DLC1: variants seen among roughly 807,000 people sequenced by gnomAD.
The protein encoded by DLC1 is DLC1 Rho GTPase activating protein.
DLC1 carries 54 observed loss-of-function variants against 140.3 expected under a neutral mutation model. The observed-to-expected ratio is 0.38, with a 90% CI of 0.31 to 0.48. The LOEUF (loss-of-function observed/expected upper bound fraction) is 0.48. DLC1 is among the 20% of genes least tolerant of loss of function. DLC1 has a pLI of 0.96. For synonymous variants in DLC1, 986 were observed against 728.1 expected (o/e 1.35, Z -5.70); for missense variants, 2,536 against 1,907.0 (o/e 1.33, Z -6.14).
intron 1 of DLC1, among the ~76,000 whole-genome samples, chr8:13,565,678 T>C (rs1457426067): frequency 6.6e-6 from 1 of 151,838 alleles, no homozygotes; most frequent in Non-Finnish European, 1.5e-5. Flanking sequence ...TACCCCCCAA[T>C]CCCCAAGAAA....
chr8:13,094,610 G>A (rs1818351810), intron 12 of DLC1, 149 bp downstream of exon 12: 2 of 916,856 alleles, frequency 2.2e-6, no homozygotes, highest in African/African-American at 1.7e-5. Context: ...AGGTTGCAGT[G>A]AGCCGAGGTC....
At chr8:13,435,472 C>A (rs1010446418) in intron 2 of DLC1, among the ~76,000 whole-genome samples, 1 of 152,130 alleles carries the variant, frequency 6.6e-6, no homozygotes, top group African/African-American at 2.4e-5. Context: ...CGCCTCCACA[C>A]CTGACTAATT....
intron 2 of DLC1, among the ~76,000 whole-genome samples, chr8:13,438,275 A>T (rs1839211251): frequency 6.6e-6 from 1 of 152,174 alleles, no homozygotes. Flanking sequence ...GAGCAGTCAG[A>T]GTTGAAATGA....
chr8:13,249,952 A>G (rs564196043), intron 5 of DLC1, among the ~76,000 whole-genome samples: 74 of 152,260 alleles, frequency 4.9e-4, no homozygotes, highest in African/African-American at 1.7e-3. Context: ...TGCCTGCCAG[A>G]ACCCTCCAGG....
Position 13,280,144 on chromosome 8 carries a change from C to T in DLC1, c.1348+25125G>A, listed in dbSNP as rs547040784. On this transcript the variant is annotated intron_variant, in intron 5 of 17. Transcript: ENST00000276297. ...AAATACAAAAAAAAAAAAAATTAGC[C>T]GGGCGTGGTGGCAGGTACCTATAGT... 6.1e-4 allele frequency among the ~76,000 whole-genome samples: 92 copies of T among 150,922 alleles called. 1 individual carries two copies. Among genetic ancestry groups the T allele is most frequent in the Non-Finnish European group, 4.9e-4 (33 of 67,714 alleles).
At chr8:13,192,362 A>G (rs1371280129) in intron 5 of DLC1, among the ~76,000 whole-genome samples, 8 of 152,204 alleles carry the variant, frequency 5.3e-5, no homozygotes, top group Admixed American at 5.2e-4. Context: ...GTAATACAAA[A>G]TTCATGATGA....
At chr8:13,181,452 T>C (rs28380608) in intron 5 of DLC1, among the ~76,000 whole-genome samples, 26,678 of 150,222 alleles carry the variant, frequency 0.18, 3,098 homozygotes, top group East Asian at 0.31. Flanking sequence ...TCGTCATTTA[T>C]ATTAGGTATT....
intron 2 of DLC1, among the ~76,000 whole-genome samples, chr8:13,483,365 C>G (rs1368876840): frequency 1.3e-5 from 2 of 152,126 alleles, no homozygotes; most frequent in African/African-American, 4.8e-5. Context: ...TGAGGGGCCA[C>G]AATTCAATCA....
intron 2 of DLC1, among the ~76,000 whole-genome samples, chr8:13,436,876 C>G (rs926503370): frequency 6.6e-6 from 1 of 152,068 alleles, no homozygotes; most frequent in Non-Finnish European, 1.5e-5. Flanking sequence ...GATGCCCTGT[C>G]TAATTTGTAG....
At chr8:13,572,799 A>T (rs577127801) in intron 1 of DLC1, among the ~76,000 whole-genome samples, 1 of 151,982 alleles carries the variant, frequency 6.6e-6, no homozygotes, top group Non-Finnish European at 1.5e-5. Flanking sequence ...TAGAAATAAG[A>T]GTTTATTTCT....
At chr8:13,453,526 A>G (rs7841491) in intron 2 of DLC1, among the ~76,000 whole-genome samples, 19 of 48,052 alleles carry the variant, frequency 4.0e-4, no homozygotes, top group East Asian at 1.8e-3. Context: ...ATATATATAT[A>G]TGTATATATA....
chr8:13,582,730 C>A (rs1408993822), intron 1 of DLC1, among the ~76,000 whole-genome samples: 1 of 151,156 alleles, frequency 6.6e-6, no homozygotes, highest in Non-Finnish European at 1.5e-5. Context: ...CTCTAGAGAA[C>A]CCTGACTAAT....
intron 2 of DLC1, among the ~76,000 whole-genome samples, chr8:13,418,200 C>T (rs535715732): frequency 0.026 from 3,915 of 152,150 alleles, 78 homozygotes; most frequent in South Asian, 0.072. Context: ...TTTTGCTGTG[C>T]AGAAGCTCTT....
At chr8:13,457,831 A>G (rs1163951077) in intron 2 of DLC1, among the ~76,000 whole-genome samples, 1 of 152,104 alleles carries the variant, frequency 6.6e-6, no homozygotes, top group Admixed American at 6.6e-5. Context: ...CTTGCGTAGA[A>G]GGAAGAAAAA....
chr8:13,510,845 C>T (rs1243903174), intron 1 of DLC1, among the ~76,000 whole-genome samples: 1 of 152,138 alleles, frequency 6.6e-6, no homozygotes, highest in African/African-American at 2.4e-5. Context: ...TGGCCCCAGG[C>T]TCTGATGACT....
At chr8:13,303,521 T>C (rs1334128275) in intron 5 of DLC1, among the ~76,000 whole-genome samples, 1 of 152,124 alleles carries the variant, frequency 6.6e-6, no homozygotes, top group Non-Finnish European at 1.5e-5. Flanking sequence ...TTAAAAATAT[T>C]TTCATGCCAG....
intron 8 of DLC1, among the ~76,000 whole-genome samples, chr8:13,101,608 G>T (rs1237600631): frequency 6.6e-6 from 1 of 152,180 alleles, no homozygotes; most frequent in African/African-American, 2.4e-5. Context: ...AGCAGATTCA[G>T]TCCACTATCA....
At chr8:13,155,012 C>T (rs546773757) in intron 5 of DLC1, among the ~76,000 whole-genome samples, 1 of 152,168 alleles carries the variant, frequency 6.6e-6, no homozygotes, top group East Asian at 1.9e-4. Context: ...TCATTCAAAT[C>T]ATTTTCTATG....
chr8:13,282,921 T>C (rs1831414302), intron 5 of DLC1, among the ~76,000 whole-genome samples: 1 of 152,220 alleles, frequency 6.6e-6, no homozygotes, highest in African/African-American at 2.4e-5. Flanking sequence ...CATATTGTTT[T>C]ATGTTCATAT....
Sources: gnomAD v4.1 joint callset for allele counts (sites outside exome capture counted in the v4.1 genomes callset) on GRCh38, gnomAD v4.1.1 for gene constraint, MANE v1.5 for transcripts, NCBI Gene and HGNC (gene_info 2026-07-23, HGNC 2026-07-21) for gene names.